B3GALT1: variants seen among roughly 807,000 people sequenced by gnomAD.
B3GALT1 encodes beta-1,3-galactosyltransferase 1.
A neutral mutation model predicts 23.2 loss-of-function variants in B3GALT1; 10 were observed. The ratio of observed to expected loss-of-function variants is 0.43; its 90% CI spans 0.27 to 0.73. B3GALT1 has a LOEUF of 0.73. B3GALT1 is among the 30% of genes least tolerant of loss of function. The pLI is 0.21. For synonymous variants in B3GALT1, 156 were observed against 141.5 expected, an observed-to-expected ratio of 1.10 and a Z score of -0.73; for missense variants, 299 against 405.4, an observed-to-expected ratio of 0.74 and a Z score of 2.25.
chr2:167,367,960 A>G (rs1250478988), intron 1 of B3GALT1, among the ~76,000 whole-genome samples: 2 of 152,168 alleles, frequency 1.3e-5, no homozygotes, highest in Non-Finnish European at 2.9e-5. Flanking sequence ...TCTTCTACCA[A>G]TCTTGTGAGC....
chr2:167,608,087 C>G (rs187957063), intron 2 of B3GALT1, among the ~76,000 whole-genome samples: 1 of 152,274 alleles, frequency 6.6e-6, no homozygotes, highest in Admixed American at 6.5e-5. Context: ...GGCATTCCTA[C>G]ATGCTGATAT....
At chr2:167,540,105 G>C (rs1683511355) in intron 2 of B3GALT1, among the ~76,000 whole-genome samples, 1 of 152,046 alleles carries the variant, frequency 6.6e-6, no homozygotes. Context: ...CTTCCCAAGA[G>C]AATTCTGCAT....
chr2:167,858,447 CTTTA>C (rs1384802816), intron 4 of B3GALT1, among the ~76,000 whole-genome samples: 18 of 151,022 alleles, frequency 1.2e-4, no homozygotes, highest in Admixed American at 2.6e-4. Context: ...CTGAATTTGT[CTTTA>C]TTTGTCATGT....
chr2:167,742,027 A>G (rs1174109248), intron 3 of B3GALT1, among the ~76,000 whole-genome samples: 2 of 152,202 alleles, frequency 1.3e-5, no homozygotes, highest in Admixed American at 6.5e-5. Context: ...TCAGGTGTGC[A>G]TAACAGACTC....
rs1684903066 is a variant in B3GALT1 at position 167,603,087 on chromosome 2, C to T, written c.-409-43822C>T. ...CCCGACAGGAAACAGGGATTGCACA[C>T]AAGTGTAGTTTCCAGCATATAGGTC... On this transcript the variant is annotated intron_variant, in intron 2 of 4. Transcript: ENST00000392690. 2.0e-5 allele frequency among the ~76,000 whole-genome samples: 3 copies of T among 152,282 alleles called. No individual in the cohort carries two copies. The South Asian group carries it at 6.2e-4, about 32-fold the overall frequency.
intron 1 of B3GALT1, among the ~76,000 whole-genome samples, chr2:167,342,027 A>T (rs561485209): frequency 1.6e-4 from 25 of 152,292 alleles, no homozygotes; most frequent in Admixed American, 1.4e-3. Flanking sequence ...GTGTTGTTAC[A>T]TGGTCAAGCC....
At chr2:167,749,214 A>G (rs58282706) in intron 3 of B3GALT1, among the ~76,000 whole-genome samples, 23,243 of 152,172 alleles carry the variant, frequency 0.15, 2,046 homozygotes, top group South Asian at 0.2. Context: ...AACCTTAAGG[A>G]CACATGCCTT....
intron 3 of B3GALT1, among the ~76,000 whole-genome samples, chr2:167,697,909 A>G (rs1317328911): frequency 1.3e-5 from 2 of 152,222 alleles, no homozygotes; most frequent in Non-Finnish European, 2.9e-5. Context: ...ACCCATCAAA[A>G]CATTTGCCTC....
intron 2 of B3GALT1, among the ~76,000 whole-genome samples, chr2:167,519,439 G>T (rs2105360182): frequency 1.3e-5 from 2 of 152,166 alleles, no homozygotes; most frequent in East Asian, 1.9e-4. Context: ...TATCCAGTTT[G>T]CTTTGTATAT....
chr2:167,330,890 C>T (rs1696961850), intron 1 of B3GALT1, among the ~76,000 whole-genome samples: 1 of 151,498 alleles, frequency 6.6e-6, no homozygotes, highest in Non-Finnish European at 1.5e-5. Context: ...TTGAATGTAT[C>T]AATTTGCCTT....
intron 2 of B3GALT1, among the ~76,000 whole-genome samples, chr2:167,616,610 G>A (rs773048277): frequency 1.1e-4 from 16 of 151,914 alleles, no homozygotes; most frequent in Non-Finnish European, 1.5e-4. Context: ...GCTGAGAATC[G>A]CTTGAACCTG....
rs192167050 is a variant in B3GALT1, at chr2:167,658,439, T to G, written c.-352+11473T>G. On this transcript the variant is annotated intron_variant, in intron 3 of 4. Coordinates refer to ENST00000392690, the MANE Select transcript of B3GALT1 (RefSeq NM_020981.4). ...TGGATCCAAATCCCGAGTTGAAGAA[T>G]TTATAGAACAACTTTATAGAACAAC... Among the ~76,000 whole-genome samples, 28 of 151,734 alleles carry G rather than the reference T, an allele frequency of 1.8e-4. No individual in the cohort carries two copies. In the East Asian group the frequency reaches 4.5e-3, roughly 24 times the overall value.
intron 4 of B3GALT1, among the ~76,000 whole-genome samples, chr2:167,846,504 T>A (rs1412837871): frequency 6.6e-6 from 1 of 152,096 alleles, no homozygotes; most frequent in East Asian, 1.9e-4. Context: ...AAACTAAGCA[T>A]CATATATGAA....
intron 2 of B3GALT1, among the ~76,000 whole-genome samples, chr2:167,625,980 T>G (rs1318253471): frequency 1.0e-5 from 1 of 97,380 alleles, no homozygotes. Context: ...TATATATATA[T>G]ATATATGACC....
At chr2:167,757,467 C>A (rs79639418) in intron 3 of B3GALT1, among the ~76,000 whole-genome samples, 10 of 152,252 alleles carry the variant, frequency 6.6e-5, no homozygotes, top group Non-Finnish European at 1.2e-4. Context: ...AGAAGTCCAA[C>A]CCCCACCATT....
intron 2 of B3GALT1, among the ~76,000 whole-genome samples, chr2:167,499,203 C>T (rs978490022): frequency 1.3e-5 from 2 of 152,070 alleles, no homozygotes; most frequent in Non-Finnish European, 2.9e-5. Context: ...ATTCTGACTG[C>T]GTTAGTTGCA....
chr2:167,836,370 T>C (rs1436048159), intron 4 of B3GALT1, among the ~76,000 whole-genome samples: 39 of 152,038 alleles, frequency 2.6e-4, no homozygotes, highest in East Asian at 7.7e-4. Context: ...TCGAGAACTA[T>C]GTGAAGAATG....
At chr2:167,307,636 G>A (rs1696570074) in intron 1 of B3GALT1, among the ~76,000 whole-genome samples, 1 of 151,998 alleles carries the variant, frequency 6.6e-6, no homozygotes, top group African/African-American at 2.4e-5. Context: ...TGCCAGGACT[G>A]TCATCAGAAA....
intron 1 of B3GALT1, among the ~76,000 whole-genome samples, chr2:167,379,153 C>T (rs1697805212): frequency 6.6e-6 from 1 of 151,998 alleles, no homozygotes; most frequent in Admixed American, 6.5e-5. Flanking sequence ...AAGCAAGGCA[C>T]CTTCTTCATA....
Sources: gnomAD v4.1 joint callset for allele counts (sites outside exome capture counted in the v4.1 genomes callset) on GRCh38, gnomAD v4.1.1 for gene constraint, MANE v1.5 for transcripts, NCBI Gene and HGNC (gene_info 2026-07-23, HGNC 2026-07-21) for gene names.